Variants in BRINP1 observed in about 807,000 individuals in gnomAD.
BRINP1 encodes BMP/retinoic acid inducible neural specific 1, also known as BMP/retinoic acid-inducible neural-specific protein 1.
BRINP1 carries 17 observed loss-of-function variants against 72.9 expected under a neutral mutation model. The ratio of observed to expected loss-of-function variants is 0.23; its 90% confidence interval spans 0.16 to 0.35. The LOEUF (loss-of-function observed/expected upper bound fraction) is 0.35, where lower values mean the gene tolerates loss of function less well. Among genes scored for constraint, BRINP1 ranks in the 10% least tolerant of loss-of-function variants. BRINP1 has a pLI of 1.00. For synonymous variants in BRINP1, 418 were observed against 378.5 expected (o/e 1.10, Z -1.21); for missense variants, 850 against 1,001.6 (o/e 0.85, Z 2.04).
intron 2 of BRINP1, among the ~76,000 whole-genome samples, chr9:119,299,659 G>A (rs967965360): frequency 2.7e-5 from 4 of 150,516 alleles, no homozygotes; most frequent in Admixed American, 1.3e-4. Context: ...TATGTCTTTC[G>A]GTGCCTGGTT....
At chr9:119,315,440 C>G (rs1244041199) in intron 1 of BRINP1, among the ~76,000 whole-genome samples, 1 of 152,082 alleles carries the variant, frequency 6.6e-6, no homozygotes, top group Middle Eastern at 3.4e-3. Flanking sequence ...AGATGGCAAA[C>G]TTTATCGATA....
chr9:119,366,058 T>A (rs1221442708), intron 1 of BRINP1, among the ~76,000 whole-genome samples: 1 of 151,878 alleles, frequency 6.6e-6, no homozygotes, highest in East Asian at 1.9e-4. Context: ...TTCCCTGGAG[T>A]TTATGGGTCC....
At chr9:119,208,051 G>A (rs572302272) in intron 7 of BRINP1, among the ~76,000 whole-genome samples, 31 of 152,280 alleles carry the variant, frequency 2.0e-4, no homozygotes, top group African/African-American at 7.0e-4. Context: ...TGAGAGAGTA[G>A]TAAACCCTAA....
intron 1 of BRINP1, among the ~76,000 whole-genome samples, chr9:119,357,220 T>C (rs1318623501): frequency 6.6e-6 from 1 of 152,208 alleles, no homozygotes; most frequent in African/African-American, 2.4e-5. Context: ...CCATGTTCAA[T>C]ATTCCTTTCT....
intron 3 of BRINP1, 42 bp from the exon 4 acceptor site, chr9:119,242,258 T>C: frequency 6.4e-7 from 1 of 1,569,066 alleles, no homozygotes; most frequent in East Asian, 2.2e-5. Flanking sequence ...TTGTGGAGCT[T>C]TCATGTGAGA....
intron 7 of BRINP1, among the ~76,000 whole-genome samples, chr9:119,197,807 C>A (rs1281919123): frequency 1.3e-5 from 2 of 152,130 alleles, no homozygotes; most frequent in Non-Finnish European, 2.9e-5. Flanking sequence ...ATTATTATAT[C>A]TTCTAATATA....
chr9:119,199,996 A>G (rs1829787561), intron 7 of BRINP1, among the ~76,000 whole-genome samples: 1 of 152,190 alleles, frequency 6.6e-6, no homozygotes, highest in South Asian at 2.1e-4. Context: ...GTGACCCTGG[A>G]AAAGTCACTT....
chr9:119,273,156 A>C (rs1452174896), intron 2 of BRINP1, among the ~76,000 whole-genome samples: 8 of 152,204 alleles, frequency 5.3e-5, no homozygotes, highest in Non-Finnish European at 8.8e-5. Flanking sequence ...AAACTCAAAA[A>C]AGCAGGAAAC....
intron 2 of BRINP1, among the ~76,000 whole-genome samples, chr9:119,270,552 G>A (rs967867971): frequency 5.3e-5 from 8 of 152,090 alleles, no homozygotes; most frequent in Non-Finnish European, 1.0e-4. Flanking sequence ...TGAAGTGTGA[G>A]GAAACAAGGG....
In BRINP1 at chr9:119,294,386, G is replaced by T. The variant is rs549367701; in HGVS notation, c.218+18752C>A. Among the ~76,000 whole-genome samples the T allele has an allele frequency of 2.0e-5, 3 of 152,044 alleles. No homozygotes were observed. In the South Asian group the frequency reaches 6.2e-4, roughly 32 times the overall value. ...TACTAAAGGTACAAAAACTAGCTGG[G>T]CGTGTTGGCATATGCCTATAATCCC... On this transcript the variant is annotated intron_variant, in intron 2 of 7. Coordinates refer to ENST00000265922, the MANE Select transcript of BRINP1 (RefSeq NM_014618.3).
chr9:119,286,671 T>C (rs980038393), intron 2 of BRINP1, among the ~76,000 whole-genome samples: 9 of 152,212 alleles, frequency 5.9e-5, no homozygotes, highest in African/African-American at 2.2e-4. Flanking sequence ...GTAGACAAGA[T>C]AATTGACAAT....
chr9:119,362,284 G>A (rs984391626), intron 1 of BRINP1, among the ~76,000 whole-genome samples: 5 of 152,084 alleles, frequency 3.3e-5, no homozygotes, highest in Non-Finnish European at 7.4e-5. Flanking sequence ...CTGAGTCCCT[G>A]TGCTCTTATT....
chr9:119,315,527 G>T (rs1384625950), intron 1 of BRINP1, among the ~76,000 whole-genome samples: 2 of 151,862 alleles, frequency 1.3e-5, no homozygotes, highest in Middle Eastern at 3.2e-3. Context: ...TACTCCCCGA[G>T]AAATAATAAC....
intron 2 of BRINP1, among the ~76,000 whole-genome samples, chr9:119,282,010 G>C (rs1177361764): frequency 2.0e-5 from 3 of 152,176 alleles, no homozygotes; most frequent in African/African-American, 7.2e-5. Context: ...GTATTTCTTA[G>C]AAATGATTCC....
chr9:119,306,786 A>G (rs1189809609), intron 2 of BRINP1, among the ~76,000 whole-genome samples: 4 of 152,088 alleles, frequency 2.6e-5, no homozygotes, highest in African/African-American at 9.7e-5. Context: ...GAAAGCAAAA[A>G]TGGATCCACC....
chr9:119,256,488 G>A (rs889177723), intron 2 of BRINP1, among the ~76,000 whole-genome samples: 12 of 152,098 alleles, frequency 7.9e-5, no homozygotes, highest in African/African-American at 1.4e-4. Context: ...CTATTTTTTC[G>A]TATATGTGAT....
At chr9:119,191,338 T>C (rs1264861111) in intron 7 of BRINP1, among the ~76,000 whole-genome samples, 1 of 151,688 alleles carries the variant, frequency 6.6e-6, no homozygotes, top group Non-Finnish European at 1.5e-5. Context: ...AAGGAAGAAG[T>C]AGAATAAACT....
intron 2 of BRINP1, among the ~76,000 whole-genome samples, chr9:119,308,115 G>A (rs112197717): frequency 1.3e-5 from 2 of 152,322 alleles, no homozygotes; most frequent in African/African-American, 4.8e-5. Flanking sequence ...ACTTATCACT[G>A]TTGTGATGAT....
rs201255618 is a variant in BRINP1, at chr9:119,242,036, C to T, written c.579+11G>A. The T allele has an allele frequency of 9.0e-5, 145 of 1,612,066 alleles. No homozygotes were observed. The highest frequency in any genetic ancestry group is 1.8e-4 in the Middle Eastern group (1 of 5,630). On this transcript the variant is annotated intron_variant, in intron 4 of 7. Transcript: ENST00000265922. ...GAGAACCTGTCGCCCAAATCCACCC[C>T]GGAGCTGTACCTTGATTGCTCCAGT...
Sources: gnomAD v4.1 joint callset for allele counts (sites outside exome capture counted in the v4.1 genomes callset) on GRCh38, gnomAD v4.1.1 for gene constraint, MANE v1.5 for transcripts, NCBI Gene and HGNC (gene_info 2026-07-23, HGNC 2026-07-21) for gene names.